FOXP1: variants seen among roughly 807,000 people sequenced by gnomAD.
The protein encoded by FOXP1 is forkhead box P1, also known as forkhead box protein P1.
FOXP1 carries 15 observed loss-of-function variants against 98.2 expected under a neutral mutation model. That is an observed-to-expected ratio of 0.15 (90% CI 0.10 to 0.24). The LOEUF (loss-of-function observed/expected upper bound fraction) is 0.24, where lower values mean the gene tolerates loss of function less well. FOXP1 is among the 10% of genes least tolerant of loss of function. FOXP1 has a pLI of 1.00. For missense variants in FOXP1, 633 were observed against 848.5 expected, an observed-to-expected ratio of 0.75 and a Z score of 3.15; for synonymous variants, 371 against 314.5, an observed-to-expected ratio of 1.18 and a Z score of -1.90.
chr3:71,160,353 T>C (rs2061074755), intron 6 of FOXP1, among the ~76,000 whole-genome samples: 1 of 152,156 alleles, frequency 6.6e-6, no homozygotes, highest in Non-Finnish European at 1.5e-5. Context: ...GGATTCTAAA[T>C]GCAAGAGAAA....
At chr3:70,961,272 C>A (rs184156272) in intron 20 of FOXP1, among the ~76,000 whole-genome samples, 1 of 151,994 alleles carries the variant, frequency 6.6e-6, no homozygotes, top group Non-Finnish European at 1.5e-5. Flanking sequence ...GCTCTGTCAC[C>A]CAGGCTGGAG....
intron 2 of FOXP1, among the ~76,000 whole-genome samples, chr3:71,576,243 T>A (rs1049849758): frequency 6.6e-6 from 1 of 152,188 alleles, no homozygotes; most frequent in African/African-American, 2.4e-5. Context: ...TTTGAGGAAA[T>A]ACACTCATCA....
Position 71,537,222 on chromosome 3 carries a change from A to T in FOXP1, c.-297-43667T>A, listed in dbSNP as rs1192020752. Among the ~76,000 whole-genome samples, 3 of 152,218 alleles carry T rather than the reference A, an allele frequency of 2.0e-5. No homozygotes were observed. In the East Asian group the frequency reaches 5.8e-4, roughly 29 times the overall value. On this transcript the variant is annotated intron_variant, in intron 2 of 20. Transcript: ENST00000649528. ...TCTGCCTCCCGAAAGACAGATGATC[A>T]AGGCAGAGCCCAGCAGCCAGCAAGG...
In FOXP1 at chr3:70,966,423, ATTTC is replaced by A. The variant is rs1274106235; in HGVS notation, c.1723-371_1723-368del. The A allele has an allele frequency of 3.4e-5, 11 of 319,834 alleles. No individual in the cohort carries two copies. The East Asian group carries it at 3.8e-4, about 11-fold the overall frequency. 19.8% of individuals were successfully genotyped at this position (319,834 alleles called of 1,614,324 possible). Reference sequence around the variant, plus strand: ...CACAGTGAAATATAATAGAATTTTTATTTCTTTATCCATTTTGATGACTCCAGTA... The same window carrying A: ...CACAGTGAAATATAATAGAATTTTTATTTATCCATTTTGATGACTCCAGTA... On this transcript the variant is annotated intron_variant, in intron 19 of 20. Coordinates refer to ENST00000649528, the MANE Select transcript of FOXP1 (RefSeq NM_001349338.3).
intron 3 of FOXP1, among the ~76,000 whole-genome samples, chr3:71,492,789 A>G (rs1194169451): frequency 2.6e-5 from 4 of 152,222 alleles, no homozygotes; most frequent in Non-Finnish European, 5.9e-5. Flanking sequence ...AGTGTTCATT[A>G]CTACAGGGGA....
intron 4 of FOXP1, among the ~76,000 whole-genome samples, chr3:71,311,090 T>C (rs2074651966): frequency 6.6e-6 from 1 of 152,236 alleles, no homozygotes; most frequent in Non-Finnish European, 1.5e-5. Context: ...TGTTTGTTTT[T>C]TGTTTTTGAG....
At chr3:71,168,437 T>C (rs2061490770) in intron 6 of FOXP1, among the ~76,000 whole-genome samples, 1 of 152,228 alleles carries the variant, frequency 6.6e-6, no homozygotes, top group Non-Finnish European at 1.5e-5. Flanking sequence ...CCTTGTCGGT[T>C]CCCTTGTCAT....
chr3:71,196,373 G>T (rs2063301938), intron 6 of FOXP1, among the ~76,000 whole-genome samples: 1 of 152,122 alleles, frequency 6.6e-6, no homozygotes, highest in Admixed American at 6.5e-5. Context: ...TGTTGTGTGT[G>T]TGGGCGCATG....
chr3:71,147,798 A>C (rs2060382306), intron 6 of FOXP1, among the ~76,000 whole-genome samples: 1 of 152,206 alleles, frequency 6.6e-6, no homozygotes, highest in African/African-American at 2.4e-5. Context: ...TTTATTTTTA[A>C]AATAGTAAAA....
intron 5 of FOXP1, among the ~76,000 whole-genome samples, chr3:71,275,751 TAG>T (rs1332923239): frequency 2.6e-5 from 4 of 152,212 alleles, no homozygotes; most frequent in African/African-American, 9.6e-5. Context: ...GCCGTATTAT[TAG>T]AGTTACACAA....
rs530013120 is a variant in FOXP1, at chr3:70,997,112, A to G, written c.1062+3860T>C. ...AATAGGCTTTGGGTCAGTAATGTGCAGGTAATCCCCTCTAAAGGAGGTGAT... is the reference window on the plus strand; with the variant it reads ...AATAGGCTTTGGGTCAGTAATGTGCGGGTAATCCCCTCTAAAGGAGGTGAT... On this transcript the variant is annotated intron_variant, in intron 13 of 20. Coordinates refer to ENST00000649528, the MANE Select transcript of FOXP1 (RefSeq NM_001349338.3). Among the ~76,000 whole-genome samples the G allele has an allele frequency of 2.4e-4, 37 of 152,314 alleles. 1 individual carries two copies. Among genetic ancestry groups the G allele is most frequent in the African/African-American group, 7.5e-4 (31 of 41,568 alleles).
intron 6 of FOXP1, among the ~76,000 whole-genome samples, chr3:71,129,634 G>A (rs904199121): frequency 3.9e-5 from 6 of 152,104 alleles, no homozygotes; most frequent in African/African-American, 1.4e-4. Flanking sequence ...CTGAAGTTGG[G>A]GGTCAGGGAA....
chr3:71,060,924 T>G (rs1313587561), intron 7 of FOXP1, among the ~76,000 whole-genome samples: 1 of 152,174 alleles, frequency 6.6e-6, no homozygotes, highest in East Asian at 1.9e-4. Context: ...TGTTCAGTAT[T>G]CATTTTTCTC....
At chr3:71,534,550 C>T (rs1213832406) in intron 2 of FOXP1, among the ~76,000 whole-genome samples, 4 of 152,216 alleles carry the variant, frequency 2.6e-5, no homozygotes, top group Middle Eastern at 3.2e-3. Flanking sequence ...GTTAAAACAG[C>T]CCAATATCTT....
At chr3:71,568,886 AT>A (rs2047119460) in intron 2 of FOXP1, among the ~76,000 whole-genome samples, 1 of 152,126 alleles carries the variant, frequency 6.6e-6, no homozygotes, top group Non-Finnish European at 1.5e-5. Context: ...ACCTCAGGTG[AT>A]CCACCCGCCT....
intron 20 of FOXP1, 130 bp downstream of exon 20, chr3:70,965,760 C>T: frequency 1.0e-6 from 1 of 962,602 alleles, no homozygotes; most frequent in Non-Finnish European, 1.7e-6. Flanking sequence ...GTACAAACTT[C>T]TAGCTTGGTT....
chr3:71,245,842 T>C (rs914417827), intron 5 of FOXP1, among the ~76,000 whole-genome samples: 9 of 144,280 alleles, frequency 6.2e-5, no homozygotes, highest in African/African-American at 2.4e-4. Context: ...AAAATACTGT[T>C]GTCAAATCAT....
At chr3:71,209,513 GA>G (rs1268386264) in intron 5 of FOXP1, among the ~76,000 whole-genome samples, 1 of 152,160 alleles carries the variant, frequency 6.6e-6, no homozygotes, top group African/African-American at 2.4e-5. Flanking sequence ...ATCAGTTTAT[GA>G]TGTTTTCCTT....
intron 2 of FOXP1, among the ~76,000 whole-genome samples, chr3:71,513,432 C>T (rs564140043): frequency 6.6e-6 from 1 of 152,242 alleles, no homozygotes; most frequent in Admixed American, 6.5e-5. Flanking sequence ...GCCAGTACTC[C>T]CCTCCTTCGC....
Sources: gnomAD v4.1 joint callset for allele counts (sites outside exome capture counted in the v4.1 genomes callset) on GRCh38, gnomAD v4.1.1 for gene constraint, MANE v1.5 for transcripts, NCBI Gene and HGNC (gene_info 2026-07-23, HGNC 2026-07-21) for gene names.